STAG2: variants seen among roughly 807,000 people sequenced by gnomAD.
The protein encoded by STAG2 is cohesin subunit SA-2.
A neutral mutation model predicts 108.1 loss-of-function variants in STAG2; 14 were observed. The observed-to-expected ratio is 0.13, with a 90% CI of 0.09 to 0.20. The LOEUF (loss-of-function observed/expected upper bound fraction) is 0.20. Among genes scored for constraint, STAG2 ranks in the 10% least tolerant of loss-of-function variants. STAG2 has a pLI of 1.00. For missense variants in STAG2, 440 were observed against 940.9 expected (o/e 0.47, Z 6.96); for synonymous variants, 307 against 302.7 (o/e 1.01, Z -0.15).
chrX:124,029,102 C>T (rs1414639993), intron 4 of STAG2, among the ~76,000 whole-genome samples: 1 of 106,097 alleles, frequency 9.4e-6, no homozygotes, highest in Admixed American at 1.0e-4. Flanking sequence ...CTGCAAGCTC[C>T]GCCTTCTGGG....
chrX:124,045,301 C>T lies in STAG2; in HGVS notation c.600C>T (p.Val200=), dbSNP rs2148180247. 8.3e-7 allele frequency: 1 copy of T among 1,209,985 alleles called. No individual in the cohort carries two copies. ...IIYDEYMMDT[V]ISLLTGLSDS... ...ATGATGAGTATATGATGGATACAGTCATTTCACTTCTTACAGGATTGTCTG... is the reference window on the plus strand; with the variant it reads ...ATGATGAGTATATGATGGATACAGTTATTTCACTTCTTACAGGATTGTCTG... The change falls in exon 8 of 35, where the codon GTC becomes GTT. Residue 200 remains valine (V), a synonymous_variant. Transcript: ENST00000371145.
At chrX:123,969,052 T>A (rs940720382) in intron 1 of STAG2, among the ~76,000 whole-genome samples, 5 of 112,363 alleles carry the variant, frequency 4.4e-5, no homozygotes, top group African/African-American at 1.6e-4. Context: ...ATTTTAATTT[T>A]ACAAAATCAA....
At position 124,090,588 on chromosome X, in the gene STAG2, T is replaced by C. The variant is rs778169566; in HGVS notation, c.3291T>C (p.Ser1097=). The change falls in exon 31 of 35, where the codon AGT becomes AGC. Residue 1097 remains serine, a synonymous_variant. Transcript: ENST00000371145. The part of the protein sequence containing the change: ...GMQLSLTEES[S]SSDSMWLSRE... ...TTTCTTTTCCAGCTGAAGAAAGTAG[T>C]AGTAGTGACAGTATGTGGTTAAGCA... 5.0e-6 allele frequency: 6 copies of C among 1,205,961 alleles called. No individual in the cohort carries two copies. The highest frequency in any genetic ancestry group is 6.7e-6 in the Non-Finnish European group (6 of 893,016).
rs148734222 is a variant in STAG2, at chrX:124,012,932, T to C, written c.-162-8435T>C. Among the ~76,000 whole-genome samples, 216 of 111,870 alleles carry C rather than the reference T, an allele frequency of 1.9e-3. 1 individual carries two copies. The highest frequency in any genetic ancestry group is 9.2e-3 in the Middle Eastern group (2 of 217). Reference sequence around the variant, plus strand: ...ATGTGAAAACTTGTGATGTAATCTATTGAGAGTATGTGAAATGAAAATTTA... The same window carrying C: ...ATGTGAAAACTTGTGATGTAATCTACTGAGAGTATGTGAAATGAAAATTTA... On this transcript the variant is annotated intron_variant, in intron 1 of 34. Transcript: ENST00000371145.
upstream of STAG2, chrX:123,961,688 TC>T (rs1434894772): frequency 8.0e-5 from 4 of 49,983 alleles, no homozygotes; most frequent in Non-Finnish European, 1.6e-4. Flanking sequence ...CTCCCTTCCC[TC>T]CCTCCCCCCT....
intron 11 of STAG2, 122 bp downstream of exon 11, chrX:124,050,431 T>C: frequency 2.6e-6 from 2 of 768,871 alleles, no homozygotes; most frequent in Non-Finnish European, 3.5e-6. Context: ...CTCCCCTTTA[T>C]TCTTTTCTAT....
At chrX:124,099,575 TATAA>T (rs1487853045) in intron 34 of STAG2, among the ~76,000 whole-genome samples, 2 of 111,212 alleles carry the variant, frequency 1.8e-5, no homozygotes, top group Non-Finnish European at 3.8e-5. Context: ...GATAATTCAT[TATAA>T]AGAGGCTGCA....
At chrX:124,003,447 G>A (rs2056143635) in intron 1 of STAG2, 1 of 110,455 alleles carries the variant, frequency 9.1e-6, no homozygotes, top group African/African-American at 3.3e-5. Flanking sequence ...TTGAGACTGA[G>A]TTTTGTTCTT....
At chrX:124,072,508 T>C (rs1456395907) in intron 25 of STAG2, among the ~76,000 whole-genome samples, 3 of 111,172 alleles carry the variant, frequency 2.7e-5, no homozygotes, top group Non-Finnish European at 3.8e-5. Context: ...CTTTGAGTTT[T>C]TCATCTGTCA....
At chrX:124,051,859 G>A (rs1413022431) in intron 13 of STAG2, among the ~76,000 whole-genome samples, 2 of 112,214 alleles carry the variant, frequency 1.8e-5, no homozygotes, top group Admixed American at 9.4e-5. Context: ...CAAGGTGCTG[G>A]GATTACAGGC....
At chrX:124,053,767 C>T (rs1239594148) in intron 13 of STAG2, among the ~76,000 whole-genome samples, 2 of 111,391 alleles carry the variant, frequency 1.8e-5, no homozygotes, top group Non-Finnish European at 3.8e-5. Flanking sequence ...ATATAAAAAC[C>T]TAAAAATGTC....
chrX:124,059,497 C>T (rs889989662), intron 15 of STAG2, among the ~76,000 whole-genome samples: 3 of 111,938 alleles, frequency 2.7e-5, no homozygotes, highest in Non-Finnish European at 5.6e-5. Context: ...CTGTAAAATG[C>T]TTCTGCATTA....
intron 28 of STAG2, 122 bp downstream of exon 28, chrX:124,081,650 C>A: frequency 1.9e-6 from 1 of 533,337 alleles, no homozygotes; most frequent in Non-Finnish European, 2.8e-6. Context: ...GCTTATAAAT[C>A]TCTACCCTAT....
chrX:124,093,919 T>C, intron 32 of STAG2, 99 bp from the exon 33 acceptor site: 2 of 941,812 alleles, frequency 2.1e-6, no homozygotes, highest in Non-Finnish European at 3.0e-6. Context: ...ATTCCATCAT[T>C]TTCCATTATA....
chrX:123,986,069 TATATC>T (rs1312961616), intron 1 of STAG2, among the ~76,000 whole-genome samples: 1 of 105,753 alleles, frequency 9.5e-6, no homozygotes, highest in Admixed American at 1.1e-4. Flanking sequence ...ATATGTGTCA[TATATC>T]ATATATACAT....
chrX:123,985,987 A>C (rs925065706), intron 1 of STAG2, among the ~76,000 whole-genome samples: 1 of 108,199 alleles, frequency 9.2e-6, no homozygotes, highest in East Asian at 2.9e-4. Context: ...TGTTTTTTAG[A>C]ACCATAGAAT....
At chrX:123,967,558 G>A (rs1408754443) in intron 1 of STAG2, among the ~76,000 whole-genome samples, 1 of 111,341 alleles carries the variant, frequency 9.0e-6, no homozygotes, top group East Asian at 2.8e-4. Context: ...GAGCCACTGC[G>A]CCCAGCTGGC....
Position 124,102,257 on chromosome X carries a change from C to T in STAG2, c.*1660C>T, listed in dbSNP as rs1448138711. 6.3e-6 allele frequency: 1 copy of T among 158,875 alleles called. No homozygotes were observed. Among genetic ancestry groups the T allele is most frequent in the Non-Finnish European group, 1.2e-5 (1 of 81,457 alleles). 13.1% of individuals were successfully genotyped at this position (158,875 alleles called of 1,213,427 possible). ...GTTGTTTTACACACCACTGCATTAA[C>T]TAGAACTGCTGAGAGGACTGTATAT... On this transcript the variant is annotated 3_prime_UTR_variant, in exon 35 of 35. Transcript: ENST00000371145.
Position 124,068,468 on chromosome X carries a change from C to CTGTA in STAG2, c.2266-95_2266-94insGTAT, listed in dbSNP as rs113697794. 16 of 486,418 alleles carry CTGTA rather than the reference C, an allele frequency of 3.3e-5. No homozygotes were observed. The African/African-American group carries it at 4.0e-4, about 12-fold the overall frequency. The allele number at this position is 486,418 out of a possible 1,213,427, so 40.1% of individuals were successfully genotyped here. On this transcript the variant is annotated intron_variant, in intron 23 of 34. Coordinates refer to ENST00000371145, the MANE Select transcript of STAG2 (RefSeq NM_001042750.2). ...AAATGCAGAAGTAGAGTTAATAAAG[C>CTGTA]TATGAGATAATGTTTTACATAATTG... is the stretch of plus-strand genomic sequence containing the variant.
Sources: allele counts gnomAD v4.1 joint callset (sites outside exome capture counted in the v4.1 genomes callset), GRCh38; gene constraint gnomAD v4.1.1; transcripts MANE v1.5; gene names NCBI Gene and HGNC (gene_info 2026-07-23, HGNC 2026-07-21).